The following TMCO1 variants were observed in gnomAD, a reference collection of about 807,000 sequenced individuals.
The protein encoded by TMCO1 is transmembrane and coiled-coil domains 1.
In TMCO1, 29 loss-of-function variants were observed where a neutral mutation model predicts 29.3. The observed-to-expected ratio is 0.99, with a 90% CI of 0.74 to 1.35. TMCO1 has a LOEUF of 1.35. Ranked by LOEUF, TMCO1 falls within the 40% of genes most tolerant of loss-of-function variation. The pLI is 0.00. For synonymous variants in TMCO1, 80 were observed against 77.1 expected, an observed-to-expected ratio of 1.04 and a Z score of -0.20; for missense variants, 173 against 225.5, an observed-to-expected ratio of 0.77 and a Z score of 1.49.
rs549439406 is a variant in TMCO1 at position 165,758,695 on chromosome 1, T to C, written c.208+830A>G. ...TCATAAAAATAGAATCTTTTTCTAC[T>C]TTGTTTCTCCAATGCTGTTAGGAGT... On this transcript the variant is annotated intron_variant, in intron 3 of 6. Coordinates refer to ENST00000367881, the MANE Select transcript of TMCO1 (RefSeq NM_019026.6). Among the ~76,000 whole-genome samples, 6 of 152,040 alleles carry C rather than the reference T, an allele frequency of 3.9e-5. No individual in the cohort carries two copies. In the South Asian group the frequency reaches 1.2e-3, roughly 31 times the overall value.
At chr1:165,725,938 TCTTA>T (rs1454198393), downstream of TMCO1, 3 of 650,292 alleles carry the variant, frequency 4.6e-6, no homozygotes, top group Non-Finnish European at 8.5e-6. Flanking sequence ...AACTTCTCCC[TCTTA>T]TTTATTCCTT....
chr1:165,733,557 CT>C (rs1433252607), intron 6 of TMCO1, among the ~76,000 whole-genome samples: 16 of 151,800 alleles, frequency 1.1e-4, no homozygotes, highest in South Asian at 6.2e-4. Context: ...GATCGTGCAG[CT>C]GCACTCCAAC....
intron 2 of TMCO1, among the ~76,000 whole-genome samples, chr1:165,767,430 A>G (rs965145433): frequency 6.6e-6 from 1 of 152,192 alleles, no homozygotes; most frequent in Non-Finnish European, 1.5e-5. Context: ...CACCTCTTCA[A>G]CTTTCTAACC....
chr1:165,726,381 C>T (rs1437299714), downstream of TMCO1: 2 of 652,392 alleles, frequency 3.1e-6, no homozygotes, highest in Non-Finnish European at 5.7e-6. Context: ...CAAAGTCCAA[C>T]TTTAGAGAGC....
At chr1:165,726,372 A>G (rs1650891464), downstream of TMCO1, 6 of 664,594 alleles carry the variant, frequency 9.0e-6, no homozygotes, top group African/African-American at 5.3e-5. Context: ...AAAAAAAGAC[A>G]AAGTCCAACT....
intron 6 of TMCO1, among the ~76,000 whole-genome samples, chr1:165,734,633 G>A (rs1651297469): frequency 6.6e-6 from 1 of 152,040 alleles, no homozygotes; most frequent in Non-Finnish European, 1.5e-5. Context: ...AGCCTCCCAA[G>A]TAGCTGGGAT....
At chr1:165,751,614 G>C (rs1193138240) in intron 5 of TMCO1, among the ~76,000 whole-genome samples, 1 of 151,784 alleles carries the variant, frequency 6.6e-6, no homozygotes, top group Non-Finnish European at 1.5e-5. Flanking sequence ...TGAGATAGGA[G>C]AATCGCTTGA....
intron 3 of TMCO1, among the ~76,000 whole-genome samples, chr1:165,755,508 C>CA (rs1386337515): frequency 6.6e-6 from 1 of 151,790 alleles, no homozygotes. Flanking sequence ...CCCATCTCTA[C>CA]AAAAAACTTA....
chr1:165,768,169 T>G, intron 2 of TMCO1, 23 bp downstream of exon 2: 1 of 1,579,756 alleles, frequency 6.3e-7, no homozygotes, highest in Non-Finnish European at 8.7e-7. Flanking sequence ...TTGAAATTAT[T>G]TCTAATGTGT....
At chr1:165,726,600 A>G, downstream of TMCO1, 1 of 458,562 alleles carries the variant, frequency 2.2e-6, no homozygotes, top group Non-Finnish European at 4.3e-6. Flanking sequence ...AGGTAAGAAC[A>G]GTAATTACCT....
chr1:165,733,420 G>C (rs1651243903), intron 6 of TMCO1, among the ~76,000 whole-genome samples: 3 of 152,024 alleles, frequency 2.0e-5, no homozygotes, highest in African/African-American at 7.3e-5. Context: ...GATCATCTGA[G>C]ATCAGGAGTT....
At chr1:165,736,142 C>T (rs1187089316) in intron 6 of TMCO1, among the ~76,000 whole-genome samples, 1 of 152,178 alleles carries the variant, frequency 6.6e-6, no homozygotes. Flanking sequence ...CTCTATGAAC[C>T]AGGCAGGAAA....
chr1:165,739,112 C>T (rs1651492993), intron 6 of TMCO1, among the ~76,000 whole-genome samples: 1 of 152,130 alleles, frequency 6.6e-6, no homozygotes, highest in African/African-American at 2.4e-5. Flanking sequence ...TTTTTTGCTG[C>T]CCACCTCCCC....
chr1:165,748,522 A>G (rs1651885728), intron 5 of TMCO1, among the ~76,000 whole-genome samples: 1 of 152,186 alleles, frequency 6.6e-6, no homozygotes, highest in Non-Finnish European at 1.5e-5. Flanking sequence ...GATTTAATCC[A>G]GTACATATCA....
chr1:165,751,892 T>C (rs1022156092), intron 5 of TMCO1, among the ~76,000 whole-genome samples: 5 of 150,538 alleles, frequency 3.3e-5, no homozygotes, highest in Non-Finnish European at 5.9e-5. Context: ...ACACATATAA[T>C]AGAGAAAGAA....
At chr1:165,757,058 C>T (rs906185852) in intron 3 of TMCO1, among the ~76,000 whole-genome samples, 1 of 151,770 alleles carries the variant, frequency 6.6e-6, no homozygotes, top group Non-Finnish European at 1.5e-5. Context: ...TATCAGCAGC[C>T]GATTCAAAGG....
At chr1:165,730,275 T>A (rs965617581) in intron 6 of TMCO1, among the ~76,000 whole-genome samples, 5 of 151,854 alleles carry the variant, frequency 3.3e-5, no homozygotes, top group Non-Finnish European at 5.9e-5. Context: ...GGGCGGAGCC[T>A]GCAGTGAGCC....
intron 3 of TMCO1, among the ~76,000 whole-genome samples, chr1:165,759,219 T>C (rs1652309336): frequency 6.6e-6 from 1 of 152,162 alleles, no homozygotes; most frequent in South Asian, 2.1e-4. Context: ...TCATCTCAGA[T>C]ATAAAAAACA....
intron 2 of TMCO1, among the ~76,000 whole-genome samples, chr1:165,766,781 A>T (rs200292858): frequency 3.3e-5 from 2 of 60,790 alleles, no homozygotes; most frequent in African/African-American, 6.1e-5. Flanking sequence ...AATAAATAAA[A>T]AATAAAAAAA....
Sources: allele counts gnomAD v4.1 joint callset (sites outside exome capture counted in the v4.1 genomes callset), GRCh38; gene constraint gnomAD v4.1.1; transcripts MANE v1.5; gene names NCBI Gene and HGNC (gene_info 2026-07-23, HGNC 2026-07-21).